JPH4: variants seen among roughly 807,000 people sequenced by gnomAD.
The protein encoded by JPH4 is junctophilin-4.
JPH4 carries 18 observed loss-of-function variants against 57.6 expected under a neutral mutation model. The ratio of observed to expected loss-of-function variants is 0.31; its 90% CI spans 0.22 to 0.46. The LOEUF (loss-of-function observed/expected upper bound fraction) is 0.46, where lower values mean the gene tolerates loss of function less well. Ranked by LOEUF, JPH4 falls within the 20% of genes least tolerant of loss-of-function variation. The pLI is 1.00. For missense variants in JPH4, 727 were observed against 911.1 expected (o/e 0.80, Z 2.60); for synonymous variants, 425 against 406.6 (o/e 1.05, Z -0.54).
chr14:23,571,296 G>A lies in JPH4; in HGVS notation c.1435C>T (p.Pro479Ser), dbSNP rs774496744. ...CCCTGGTCCCCTCCAGGAGGCAGTG[G>A]GCTCCGGCAGGCAGGGGGTCGCCAG... is the stretch of plus-strand genomic sequence containing the variant. ...QPWRPPACRS[P>S]LPPGGDQGPF... The change falls in exon 5 of 6, where the codon CCA becomes TCA. Residue 479 changes from proline to serine, a missense_variant. By Grantham distance (74) the Pro-to-Ser change is moderately conservative (BLOSUM62 -1). Around this residue, in one of 7 missense-constraint regions of JPH4, gnomAD observed 293 missense variants for 279.8 expected, o/e 1.05. Coordinates refer to ENST00000356300, the MANE Select transcript of JPH4 (RefSeq NM_001146028.2). The surrounding 1 kb of genome is among the most constrained non-coding windows in gnomAD (Gnocchi z 4.6). The A allele has an allele frequency of 1.9e-6, 3 of 1,597,186 alleles. No individual in the cohort carries two copies. Among genetic ancestry groups the A allele is most frequent in the Non-Finnish European group, 2.6e-6 (3 of 1,171,766 alleles).
chr14:23,568,554 G>A lies in JPH4; in HGVS notation c.*1080C>T, dbSNP rs150733089. ...TTTTCCCATTTCACAAGATTCTGAT[G>A]TAAAGGGGGAAGGGATATAACCCAT... is the stretch of plus-strand genomic sequence containing the variant. On this transcript the variant is annotated 3_prime_UTR_variant, in exon 6 of 6. Transcript: ENST00000356300. 3.6e-3 allele frequency: 3,598 copies of A among 985,782 alleles called. 11 individuals carry two copies. The highest frequency in any genetic ancestry group is 4.0e-3 in the Non-Finnish European group (3,318 of 829,950). 61.1% of individuals were successfully genotyped at this position (985,782 alleles called of 1,614,324 possible).
chr14:23,573,814 C>A (rs1225839622), intron 3 of JPH4, among the ~76,000 whole-genome samples: 2 of 152,150 alleles, frequency 1.3e-5, no homozygotes, highest in African/African-American at 2.4e-5. Flanking sequence ...TGCCTTCCCC[C>A]TTCCCTGGCT....
In JPH4 at chr14:23,571,650, T is replaced by A; in HGVS notation, c.1270+152A>T. ...AAGTCCCACTCCCCAGACTACCAGG[T>A]CTGGCCCCCACCCTGTGTTCCTTGC... is the stretch of plus-strand genomic sequence containing the variant. On this transcript the variant is annotated intron_variant, in intron 4 of 5. Transcript: ENST00000356300. This position sits in a 1 kb window ranked among gnomAD's most constrained non-coding sequence, Gnocchi z 4.6. The A allele has an allele frequency of 1.0e-6, 1 of 995,122 alleles. No individual in the cohort carries two copies. Among genetic ancestry groups the A allele is most frequent in the Non-Finnish European group, 1.5e-6 (1 of 661,240 alleles). The allele number at this position is 995,122 out of a possible 1,614,324, so 61.6% of individuals were successfully genotyped here. A position where few individuals can be genotyped will look rare whatever the true frequency, so the allele number is the denominator to read the frequency against.
rs80178289 is a variant in JPH4, at chr14:23,569,869, C to A, written c.1804-152G>T. 1.4e-3 allele frequency: 828 copies of A among 599,980 alleles called. 11 individuals carry two copies. In the East Asian group the frequency reaches 0.017, roughly 12 times the overall value. 37.2% of individuals were successfully genotyped at this position (599,980 alleles called of 1,614,324 possible). ...CAACATTTGTTTTGGATTGCAAAAC[C>A]CCCTCTTCTCCCAGGCAGGGCCCCA... On this transcript the variant is annotated intron_variant, in intron 5 of 5. Transcript: ENST00000356300. The surrounding 1 kb of genome is among the most constrained non-coding windows in gnomAD (Gnocchi z 4.8).
In JPH4 at chr14:23,575,586, G is replaced by C. The variant is rs1303541159; in HGVS notation, c.1151+99C>G. 5 of 1,472,950 alleles carry C rather than the reference G, an allele frequency of 3.4e-6. No individual in the cohort carries two copies. The Admixed American group carries it at 7.9e-5, about 23-fold the overall frequency. The allele number at this position is 1,472,950 out of a possible 1,614,324, so 91.2% of individuals were successfully genotyped here. A position where few individuals can be genotyped will look rare whatever the true frequency, so the allele number is the denominator to read the frequency against. On this transcript the variant is annotated intron_variant, in intron 3 of 5. Transcript: ENST00000356300. The surrounding 1 kb of genome is among the most constrained non-coding windows in gnomAD (Gnocchi z 6.9). The stretch of plus-strand genomic sequence containing the variant: ...TTAGGCTTGCAATAGCAGGCCCTAG[G>C]CCTTGGGCCTTGGGCCTCCCTTAGG...
At chr14:23,572,787 C>G (rs1051824208) in intron 3 of JPH4, 8 of 679,548 alleles carry the variant, frequency 1.2e-5, no homozygotes, top group African/African-American at 3.5e-5. Context: ...ATTGCAACTA[C>G]ACTTCTGGCT....
Position 23,575,600 on chromosome 14 carries a change from GC to G in JPH4, c.1151+84del. ...GCAGGCCCTAGGCCTTGGGCCTTGGGCCTCCCTTAGGCACACCCGCCTTCCT... is the reference window on the plus strand; with the variant it reads ...GCAGGCCCTAGGCCTTGGGCCTTGGGCTCCCTTAGGCACACCCGCCTTCCT... On this transcript the variant is annotated intron_variant, in intron 3 of 5. Transcript: ENST00000356300. This position sits in a 1 kb window ranked among gnomAD's most constrained non-coding sequence, Gnocchi z 6.9. The G allele has an allele frequency of 6.6e-7, 1 of 1,519,600 alleles. No homozygotes were observed. The highest frequency in any genetic ancestry group is 8.9e-7 in the Non-Finnish European group (1 of 1,129,928). The allele number at this position is 1,519,600 out of a possible 1,614,324, so 94.1% of individuals were successfully genotyped here.
rs547126919 is a variant in JPH4 at position 23,576,960 on chromosome 14, A to G, written c.379+115T>C. 8.2e-7 allele frequency: 1 copy of G among 1,222,344 alleles called. No individual in the cohort carries two copies. Among genetic ancestry groups the G allele is most frequent in the South Asian group, 1.7e-5 (1 of 58,444 alleles). 75.7% of individuals were successfully genotyped at this position (1,222,344 alleles called of 1,614,324 possible). ...GGGCTGGGGGTCACATCGATGGGGA[A>G]TGGTGGCGGGGGAAAGAAGGATGGG... On this transcript the variant is annotated intron_variant, in intron 2 of 5. Coordinates refer to ENST00000356300, the MANE Select transcript of JPH4 (RefSeq NM_001146028.2). This position sits in a 1 kb window ranked among gnomAD's most constrained non-coding sequence, Gnocchi z 8.0.
chr14:23,571,541 C>T lies in JPH4; in HGVS notation c.1271-81G>A. ...CTGCAGCTTTATTCCTGACTGGGCA[C>T]TTCCCAGGACTTTGGAATTCCCAGG... On this transcript the variant is annotated intron_variant, in intron 4 of 5. Coordinates refer to ENST00000356300, the MANE Select transcript of JPH4 (RefSeq NM_001146028.2). The surrounding 1 kb of genome is among the most constrained non-coding windows in gnomAD (Gnocchi z 4.6). The T allele has an allele frequency of 3.4e-6, 5 of 1,489,456 alleles. No homozygotes were observed. The Admixed American group carries it at 6.0e-5, about 18-fold the overall frequency. The allele number at this position is 1,489,456 out of a possible 1,614,324, so 92.3% of individuals were successfully genotyped here.
At chr14:23,578,091 C>T (rs930842846) in intron 1 of JPH4, 89 bp downstream of exon 1, 4 of 14,030 alleles carry the variant, frequency 2.9e-4, no homozygotes, top group East Asian at 1.5e-3. Context: ...GGGGGTTTTT[C>T]GGGGGATGGG....
chr14:23,570,536 TA>T (rs1384372877), intron 5 of JPH4, among the ~76,000 whole-genome samples: 4 of 151,962 alleles, frequency 2.6e-5, no homozygotes, highest in Non-Finnish European at 4.4e-5. Flanking sequence ...CACGCCCGGC[TA>T]AATTTTTTTT....
rs1237488593 is a variant in JPH4, at chr14:23,576,289, C to G, written c.547G>C (p.Glu183Gln). The G allele has an allele frequency of 7.9e-7, 1 of 1,265,840 alleles. No homozygotes were observed. Among genetic ancestry groups the G allele is most frequent in the South Asian group, 2.9e-5 (1 of 34,458 alleles). 78.4% of individuals were successfully genotyped at this position (1,265,840 alleles called of 1,614,324 possible). Residue 183 changes from glutamate to glutamine, a missense_variant, in exon 3 of 6, where the codon GAG becomes CAG. Glu to Gln is a conservative substitution (Grantham distance 29). Around this residue, in one of 7 missense-constraint regions of JPH4, gnomAD observed 131 missense variants for 156.5 expected, o/e 0.84. Transcript: ENST00000356300. The surrounding 1 kb of genome is among the most constrained non-coding windows in gnomAD (Gnocchi z 8.0). ...GAGCCCGAGGCGGGGCTGCCTCCCT[C>G]GTCGCCCGGCAAGGGCAGGGGCGGG... Reference protein sequence around the residue: ...PPPPLPLPGDEGGSPASGSRG... With the variant: ...PPPPLPLPGDQGGSPASGSRG...
rs1354023614 is a variant in JPH4, at chr14:23,576,047, G to A, written c.789C>T (p.Ser263=). ...GSTGPPGSEA[S]GPPAAAPPAL... is the part of the protein sequence containing the mutation. Reference sequence around the variant, plus strand: ...CGGGCGGCGCTGCGGCCGGGGGCCCGCTGGCCTCCGAGCCGGGCGGTCCGG... The same window carrying A: ...CGGGCGGCGCTGCGGCCGGGGGCCCACTGGCCTCCGAGCCGGGCGGTCCGG... Residue 263 remains serine (S), a synonymous_variant, in exon 3 of 6, where the codon AGC becomes AGT. Transcript: ENST00000356300. This position sits in a 1 kb window ranked among gnomAD's most constrained non-coding sequence, Gnocchi z 8.0. 10 of 1,320,550 alleles carry A rather than the reference G, an allele frequency of 7.6e-6. No homozygotes were observed. In the Admixed American group the frequency reaches 3.7e-4, roughly 49 times the overall value. The allele number at this position is 1,320,550 out of a possible 1,614,324, so 81.8% of individuals were successfully genotyped here.
At chr14:23,574,148 T>C (rs1031220700) in intron 3 of JPH4, among the ~76,000 whole-genome samples, 6 of 152,010 alleles carry the variant, frequency 3.9e-5, no homozygotes, top group African/African-American at 1.5e-4. Flanking sequence ...ATGAATCTCA[T>C]TACAAGTGGA....
In JPH4 at chr14:23,569,575, G is replaced by A. The variant is rs1889029523; in HGVS notation, c.*59C>T. 9.0e-7 allele frequency: 1 copy of A among 1,110,440 alleles called. No homozygotes were observed. Among genetic ancestry groups the A allele is most frequent in the Non-Finnish European group, 1.3e-6 (1 of 744,216 alleles). The allele number at this position is 1,110,440 out of a possible 1,614,324, so 68.8% of individuals were successfully genotyped here. A position where few individuals can be genotyped will look rare whatever the true frequency, so the allele number is the denominator to read the frequency against. ...CCAGGAAGAGGAGAAGAGAAAAAAG[G>A]CAGGTCAAAGGGGTGAAGAGGCACG... On this transcript the variant is annotated 3_prime_UTR_variant, in exon 6 of 6. Coordinates refer to ENST00000356300, the MANE Select transcript of JPH4 (RefSeq NM_001146028.2). This position sits in a 1 kb window ranked among gnomAD's most constrained non-coding sequence, Gnocchi z 4.8.
intron 3 of JPH4, among the ~76,000 whole-genome samples, chr14:23,573,193 A>G (rs776920347): frequency 3.3e-5 from 5 of 152,136 alleles, no homozygotes; most frequent in Non-Finnish European, 7.4e-5. Context: ...CCTCTTCTTT[A>G]TGTTCTTTGG....
rs2139474681 is a variant in JPH4, at chr14:23,576,904, C to A, written c.379+171G>T. ...GCAGGAGACAGACAATTGAGGAAAGCATAATCATGGTGGGAGAGAGCAGAA... is the reference window on the plus strand; with the variant it reads ...GCAGGAGACAGACAATTGAGGAAAGAATAATCATGGTGGGAGAGAGCAGAA... On this transcript the variant is annotated intron_variant, in intron 2 of 5. Coordinates refer to ENST00000356300, the MANE Select transcript of JPH4 (RefSeq NM_001146028.2). This position sits in a 1 kb window ranked among gnomAD's most constrained non-coding sequence, Gnocchi z 8.0. Among the ~76,000 whole-genome samples, 1 of 150,744 alleles carries A rather than the reference C, an allele frequency of 6.6e-6. No homozygotes were observed. The highest frequency in any genetic ancestry group is 2.4e-5 in the African/African-American group (1 of 40,918).
intron 3 of JPH4, chr14:23,573,117 A>C: frequency 1.6e-6 from 1 of 611,870 alleles, no homozygotes; most frequent in Non-Finnish European, 2.9e-6. Flanking sequence ...TGGCTCAGGA[A>C]GGCAGTCTGG....
intron 5 of JPH4, among the ~76,000 whole-genome samples, chr14:23,570,197 G>C (rs2139460730): frequency 6.9e-6 from 1 of 144,718 alleles, no homozygotes; most frequent in Middle Eastern, 3.5e-3. Context: ...TCAGGGTAGG[G>C]AGGGAACAAT....
Sources: allele counts gnomAD v4.1 joint callset (sites outside exome capture counted in the v4.1 genomes callset), GRCh38; gene constraint gnomAD v4.1.1; regional missense constraint gnomAD v4.1.1; non-coding constraint Gnocchi (gnomAD v3.1); transcripts MANE v1.5; gene names NCBI Gene and HGNC (gene_info 2026-07-23, HGNC 2026-07-21).